Variants in FHIP1A observed in about 807,000 individuals in gnomAD.
FHIP1A encodes FHF complex subunit HOOK interacting protein 1A.
A neutral mutation model predicts 88.6 loss-of-function variants in FHIP1A; 61 were observed. The observed-to-expected ratio is 0.69, with a 90% confidence interval of 0.56 to 0.85. The LOEUF (loss-of-function observed/expected upper bound fraction) is 0.85. FHIP1A is among the 40% of genes least tolerant of loss of function. FHIP1A has a pLI of 0.00. For missense variants in FHIP1A, 1,154 were observed against 1,273.5 expected (o/e 0.91, Z 1.43); for synonymous variants, 478 against 496.0 (o/e 0.96, Z 0.48).
Position 151,666,464 on chromosome 4 carries a change from G to T in FHIP1A, c.*3710G>T, listed in dbSNP as rs1229448503. Among the ~76,000 whole-genome samples the T allele has an allele frequency of 6.6e-6, 1 of 152,152 alleles. No individual in the cohort carries two copies. Among genetic ancestry groups the T allele is most frequent in the Non-Finnish European group, 1.5e-5 (1 of 68,024 alleles). Reference sequence around the variant, plus strand: ...CAGGAGTACCCTTTCCTTAGCAGGTGGATTTTATTTAGGTCAGATATAGTT... The same window carrying T: ...CAGGAGTACCCTTTCCTTAGCAGGTTGATTTTATTTAGGTCAGATATAGTT... On this transcript the variant is annotated 3_prime_UTR_variant, in exon 14 of 14. Coordinates refer to ENST00000435205, the MANE Select transcript of FHIP1A (RefSeq NM_001109977.3).
At chr4:151,628,150 G>A (rs534171789) in intron 7 of FHIP1A, among the ~76,000 whole-genome samples, 1 of 152,232 alleles carries the variant, frequency 6.6e-6, no homozygotes, top group South Asian at 2.1e-4. Flanking sequence ...GTGGTGTATT[G>A]AATGACTGAG....
At chr4:151,469,760 T>G (rs1438973291) in intron 2 of FHIP1A, among the ~76,000 whole-genome samples, 1 of 152,204 alleles carries the variant, frequency 6.6e-6, no homozygotes, top group Non-Finnish European at 1.5e-5. Flanking sequence ...TTTCCCCATT[T>G]CACAGTCAAA....
chr4:151,581,328 A>C (rs1193970798), intron 5 of FHIP1A, among the ~76,000 whole-genome samples: 2 of 152,188 alleles, frequency 1.3e-5, no homozygotes, highest in Non-Finnish European at 2.9e-5. Flanking sequence ...AGATTGGAGT[A>C]GGGTGCAGTT....
chr4:151,649,480 C>T lies in FHIP1A; in HGVS notation c.1439C>T (p.Pro480Leu). The T allele has an allele frequency of 3.9e-6, 6 of 1,550,238 alleles. No homozygotes were observed. The highest frequency in any genetic ancestry group is 5.2e-6 in the Non-Finnish European group (6 of 1,146,296). Residue 480 changes from proline (P) to leucine (L), a missense_variant, in exon 11 of 14, where the codon CCC (proline) becomes CTC (leucine). Pro to Leu is a moderately conservative substitution (Grantham distance 98). Coordinates refer to ENST00000435205, the MANE Select transcript of FHIP1A (RefSeq NM_001109977.3). ...GCAGGGCCTGTGGAGCGGCCATTCC[C>T]CGAAGCGTTCTCCGAGTCAGCCTGC... is the stretch of plus-strand genomic sequence containing the variant. ...DTSGPVERPF[P>L]EAFSESACIV...
intron 3 of FHIP1A, among the ~76,000 whole-genome samples, chr4:151,501,738 A>G (rs921197837): frequency 6.7e-6 from 1 of 148,888 alleles, no homozygotes; most frequent in African/African-American, 2.5e-5. Context: ...GGAAATGTCT[A>G]TTCAAGGTCC....
chr4:151,564,008 A>C (rs1443226398), intron 3 of FHIP1A, among the ~76,000 whole-genome samples: 3 of 151,880 alleles, frequency 2.0e-5, no homozygotes, highest in Non-Finnish European at 4.4e-5. Context: ...CAACAACAAC[A>C]ACCAACAAAC....
At chr4:151,460,247 A>G (rs1729101256) in intron 2 of FHIP1A, among the ~76,000 whole-genome samples, 1 of 152,136 alleles carries the variant, frequency 6.6e-6, no homozygotes, top group African/African-American at 2.4e-5. Flanking sequence ...TTAGGTTTAA[A>G]TTTGTGTGAG....
intron 3 of FHIP1A, among the ~76,000 whole-genome samples, chr4:151,496,015 C>A (rs1352608549): frequency 2.0e-5 from 3 of 151,990 alleles, no homozygotes; most frequent in Non-Finnish European, 2.9e-5. Context: ...TGATGATCAG[C>A]TGCTGCTTTG....
At chr4:151,472,576 T>G (rs1327475472) in intron 2 of FHIP1A, among the ~76,000 whole-genome samples, 1 of 151,524 alleles carries the variant, frequency 6.6e-6, no homozygotes, top group Non-Finnish European at 1.5e-5. Flanking sequence ...CTTTCCTCTT[T>G]GAGCCTGCCT....
At chr4:151,628,696 G>A (rs1464673126) in intron 7 of FHIP1A, among the ~76,000 whole-genome samples, 1 of 152,188 alleles carries the variant, frequency 6.6e-6, no homozygotes, top group Non-Finnish European at 1.5e-5. Flanking sequence ...TGGAGGGATT[G>A]CTAAGATTTC....
chr4:151,648,930 C>CT (rs1189679467), intron 10 of FHIP1A, among the ~76,000 whole-genome samples: 7 of 152,028 alleles, frequency 4.6e-5, no homozygotes, highest in Admixed American at 6.6e-5. Context: ...TGATTTTACT[C>CT]TAAGAGACCA....
At position 151,530,894 on chromosome 4, in the gene FHIP1A, G is replaced by A. The variant is rs114433354; in HGVS notation, c.-122-35244G>A. On this transcript the variant is annotated intron_variant, in intron 3 of 13. Coordinates refer to ENST00000435205, the MANE Select transcript of FHIP1A (RefSeq NM_001109977.3). ...ATGGTAATGTCTCAAGAAAAGTTACGTGGTGCTAATATTATTATAATAATA... is the reference window on the plus strand; with the variant it reads ...ATGGTAATGTCTCAAGAAAAGTTACATGGTGCTAATATTATTATAATAATA... Among the ~76,000 whole-genome samples, 1,414 of 152,160 alleles carry A rather than the reference G, an allele frequency of 9.3e-3. 19 individuals carry two copies. Among genetic ancestry groups the A allele is most frequent in the African/African-American group, 0.032 (1,321 of 41,486 alleles).
chr4:151,476,991 C>A (rs367591889), intron 2 of FHIP1A, among the ~76,000 whole-genome samples: 3 of 151,950 alleles, frequency 2.0e-5, no homozygotes, highest in Non-Finnish European at 2.9e-5. Flanking sequence ...AAAAAAGATA[C>A]GAAAAAATGG....
chr4:151,521,073 T>G (rs1450331952), intron 3 of FHIP1A, among the ~76,000 whole-genome samples: 1 of 152,228 alleles, frequency 6.6e-6, no homozygotes, highest in Non-Finnish European at 1.5e-5. Flanking sequence ...AGCTTTTGTA[T>G]ATGGTAATCA....
rs2126911675 is a variant in FHIP1A, at chr4:151,650,068, G to A, written c.2027G>A (p.Ser676Asn). ...PPAEAQAEVQ[S>N]VPINNGPLLS... Reference sequence around the variant, plus strand: ...GCTGAAGCCCAGGCTGAAGTTCAGAGTGTCCCCATCAACAACGGCCCCCTC... The same window carrying A: ...GCTGAAGCCCAGGCTGAAGTTCAGAATGTCCCCATCAACAACGGCCCCCTC... Residue 676 changes from serine (S) to asparagine (N), a missense_variant, in exon 11 of 14, where the codon AGT becomes AAT. By Grantham distance (46) the Ser-to-Asn change is conservative. Coordinates refer to ENST00000435205, the MANE Select transcript of FHIP1A (RefSeq NM_001109977.3). 1 of 1,551,688 alleles carries A rather than the reference G, an allele frequency of 6.4e-7. No individual in the cohort carries two copies. Among genetic ancestry groups the A allele is most frequent in the Non-Finnish European group, 8.7e-7 (1 of 1,147,004 alleles).
intron 1 of FHIP1A, among the ~76,000 whole-genome samples, chr4:151,423,065 G>C (rs914952591): frequency 6.6e-6 from 1 of 152,230 alleles, no homozygotes; most frequent in African/African-American, 2.4e-5. Context: ...AGCAATTGGA[G>C]AGCTGTAGGC....
chr4:151,486,442 T>C (rs1038504153), intron 3 of FHIP1A, among the ~76,000 whole-genome samples: 1 of 152,122 alleles, frequency 6.6e-6, no homozygotes, highest in Non-Finnish European at 1.5e-5. Context: ...ATTCAATACG[T>C]CTTGGATAAC....
rs970088187 is a variant in FHIP1A at position 151,629,800 on chromosome 4, C to T, written c.1077C>T (p.Ile359=). The T allele has an allele frequency of 5.2e-6, 8 of 1,551,340 alleles. No individual in the cohort carries two copies. The African/African-American group carries it at 1.1e-4, about 21-fold the overall frequency. ...TACTTGAGATCTTCCTCCGTTTTAT[C>T]CTATTGCACCAGCACGAGAATGTCC... ...PALLEIFLRF[I]LLHQHENVHI... Residue 359 remains isoleucine, a synonymous_variant, in exon 8 of 14, where the codon ATC becomes ATT. Coordinates refer to ENST00000435205, the MANE Select transcript of FHIP1A (RefSeq NM_001109977.3).
intron 1 of FHIP1A, among the ~76,000 whole-genome samples, chr4:151,438,411 A>T (rs1259316934): frequency 6.6e-6 from 1 of 152,096 alleles, no homozygotes; most frequent in Non-Finnish European, 1.5e-5. Context: ...GGCACCTGTC[A>T]CACTACACTA....
Sources: allele counts gnomAD v4.1 joint callset (sites outside exome capture counted in the v4.1 genomes callset), GRCh38; gene constraint gnomAD v4.1.1; transcripts MANE v1.5; gene names NCBI Gene and HGNC (gene_info 2026-07-23, HGNC 2026-07-21).